Variants in DNAH12 observed in about 807,000 individuals in gnomAD.
DNAH12 encodes axonemal beta dynein heavy chain 12.
In DNAH12, 285 loss-of-function variants were observed where a neutral mutation model predicts 371.5. That is an observed-to-expected ratio of 0.77 (90% CI 0.70 to 0.85). DNAH12 has a LOEUF of 0.85. DNAH12 is among the 40% of genes least tolerant of loss of function. The pLI, the probability that DNAH12 is intolerant of heterozygous loss-of-function variation, is 0.00. For synonymous variants in DNAH12, 1,200 were observed against 1,213.0 expected, an observed-to-expected ratio of 0.99 and a Z score of 0.22; for missense variants, 3,611 against 3,689.4, an observed-to-expected ratio of 0.98 and a Z score of 0.55.
the DNAH12 span, among the ~76,000 whole-genome samples, chr3:57,552,283 C>T: frequency 1.3e-5 from 2 of 151,816 alleles, no homozygotes; most frequent in Non-Finnish European, 2.9e-5. Flanking sequence ...CTATGTTGCC[C>T]AGGGCTCAAA....
At chr3:57,494,095 T>C (rs2067225614) in intron 11 of DNAH12, among the ~76,000 whole-genome samples, 1 of 152,066 alleles carries the variant, frequency 6.6e-6, no homozygotes, top group Non-Finnish European at 1.5e-5. Context: ...TAGCTGGGTG[T>C]GATGGCACAC....
At chr3:57,418,278 C>T (rs936557995) in intron 37 of DNAH12, among the ~76,000 whole-genome samples, 6 of 143,686 alleles carry the variant, frequency 4.2e-5, no homozygotes, top group African/African-American at 1.0e-4. Flanking sequence ...TTGCCAGGCA[C>T]GGTGTAATCC....
rs1300384254 is a variant in DNAH12, at chr3:57,296,406, TGATGTGTCA to T, written c.11553_11561del (p.Asp3852_Ser3854del). 6.4e-7 allele frequency: 1 copy of T among 1,550,506 alleles called. No homozygotes were observed. The highest frequency in any genetic ancestry group is 8.7e-7 in the Non-Finnish European group (1 of 1,146,460). ...CGTGGATATAAACACCATCTTCTGG[TGATGTGTCA>T]GATGTATCAGATGGGATAACCTGAA... On this transcript the variant is annotated inframe_deletion, in exon 72 of 74. Coordinates refer to ENST00000495027, the MANE Select transcript of DNAH12 (RefSeq NM_001366028.2).
intron 17 of DNAH12, among the ~76,000 whole-genome samples, chr3:57,465,343 A>G (rs942169236): frequency 2.0e-5 from 3 of 152,224 alleles, no homozygotes; most frequent in African/African-American, 7.2e-5. Flanking sequence ...TCTCTAAAAT[A>G]AGAAAGAAAT....
At chr3:57,438,918 C>CGAAAACAAAAAAAAAAAAAAAA (rs562343761) in intron 29 of DNAH12, among the ~76,000 whole-genome samples, 1 of 94,496 alleles carries the variant, frequency 1.1e-5, no homozygotes, top group Admixed American at 1.3e-4. Context: ...CTGTCTCAGA[C>CGAAAACAAAAAAAAAAAAAAAA]AAAAAAAAAA....
At chr3:57,487,869 G>GT (rs35292612) in intron 12 of DNAH12, among the ~76,000 whole-genome samples, 39 of 149,820 alleles carry the variant, frequency 2.6e-4, no homozygotes, top group East Asian at 7.9e-4. Flanking sequence ...CTTATAAAGT[G>GT]TTTTTTTTTT....
At chr3:57,419,881 C>T (rs922271621) in intron 36 of DNAH12, among the ~76,000 whole-genome samples, 1 of 152,036 alleles carries the variant, frequency 6.6e-6, no homozygotes, top group Non-Finnish European at 1.5e-5. Flanking sequence ...TCAAGATGTC[C>T]TTTTGCATAC....
intron 5 of DNAH12, among the ~76,000 whole-genome samples, chr3:57,510,579 G>A (rs1023649893): frequency 1.3e-5 from 2 of 152,144 alleles, no homozygotes; most frequent in Non-Finnish European, 2.9e-5. Flanking sequence ...GGCGGAGGCT[G>A]CAGTGAGCCG....
At chr3:57,296,826 G>T in intron 71 of DNAH12, 21 bp downstream of exon 71, 2 of 1,549,928 alleles carry the variant, frequency 1.3e-6, no homozygotes, top group South Asian at 2.4e-5. Flanking sequence ...ATATACTGTT[G>T]ACTTTAAGGA....
At chr3:57,444,656 A>G (rs1331478798) in intron 29 of DNAH12, 41 bp downstream of exon 29, 1 of 1,542,772 alleles carries the variant, frequency 6.5e-7, no homozygotes, top group Non-Finnish European at 8.7e-7. Context: ...CATCGGATGA[A>G]TTTATTATGC....
chr3:57,514,209 C>T (rs896079714), intron 4 of DNAH12, among the ~76,000 whole-genome samples: 42 of 151,968 alleles, frequency 2.8e-4, no homozygotes, highest in African/African-American at 9.7e-4. Flanking sequence ...GCCTGGCCAA[C>T]ATGGTGAAAC....
intron 2 of DNAH12, 46 bp from the exon 3 acceptor site, chr3:57,523,930 T>G: frequency 2.2e-6 from 3 of 1,334,868 alleles, no homozygotes; most frequent in Non-Finnish European, 3.1e-6. Context: ...AACATTAGCA[T>G]AAGTTACTAA....
At chr3:57,351,130 AT>A (rs2062662451) in intron 60 of DNAH12, among the ~76,000 whole-genome samples, 1 of 151,918 alleles carries the variant, frequency 6.6e-6, no homozygotes, top group African/African-American at 2.4e-5. Flanking sequence ...TTAGCTGGGC[AT>A]GGTGGTGCAC....
At chr3:57,335,419 T>C (rs1387139623) in intron 60 of DNAH12, among the ~76,000 whole-genome samples, 2 of 152,242 alleles carry the variant, frequency 1.3e-5, no homozygotes, top group East Asian at 3.8e-4. Flanking sequence ...GTTCTACTGA[T>C]AAATACAGCC....
chr3:57,441,022 T>G (rs1364091623), intron 29 of DNAH12, among the ~76,000 whole-genome samples: 1 of 151,820 alleles, frequency 6.6e-6, no homozygotes, highest in Non-Finnish European at 1.5e-5. Flanking sequence ...ACCAAAAAAA[T>G]AATGAAGTCA....
chr3:57,449,866 A>G (rs1201722430), intron 25 of DNAH12, among the ~76,000 whole-genome samples: 1 of 152,186 alleles, frequency 6.6e-6, no homozygotes, highest in Non-Finnish European at 1.5e-5. Flanking sequence ...AGGCGCCGAG[A>G]GCAAGCGAGG....
chr3:57,554,534 C>T, the DNAH12 span, among the ~76,000 whole-genome samples: 3 of 152,142 alleles, frequency 2.0e-5, no homozygotes, highest in South Asian at 4.1e-4. Flanking sequence ...TTATCTGCTA[C>T]TCTCCCCTGG....
upstream of DNAH12, chr3:57,548,712 A>T (rs769733049): frequency 6.6e-6 from 1 of 152,088 alleles, no homozygotes; most frequent in Non-Finnish European, 1.5e-5. Flanking sequence ...TCTCAAAAAA[A>T]TTGTTTTTAA....
chr3:57,476,657 T>C (rs1226201659), intron 13 of DNAH12, among the ~76,000 whole-genome samples: 1 of 152,248 alleles, frequency 6.6e-6, no homozygotes, highest in Non-Finnish European at 1.5e-5. Flanking sequence ...AGGTTCTATT[T>C]ATTTTCCTAG....
Sources: gnomAD v4.1 joint callset for allele counts (sites outside exome capture counted in the v4.1 genomes callset) on GRCh38, gnomAD v4.1.1 for gene constraint, MANE v1.5 for transcripts, NCBI Gene and HGNC (gene_info 2026-07-23, HGNC 2026-07-21) for gene names.